The following NOS1 variants were observed in gnomAD, a reference collection of about 807,000 sequenced individuals.
NOS1 encodes nitric oxide synthase 1, also known as NOS type I.
NOS1 carries 51 observed loss-of-function variants against 164.5 expected under a neutral mutation model. The observed-to-expected ratio is 0.31, with a 90% CI of 0.25 to 0.39. NOS1 has a LOEUF of 0.39. Ranked by LOEUF, NOS1 falls within the 10% of genes least tolerant of loss-of-function variation. The pLI, the probability that NOS1 is intolerant of heterozygous loss-of-function variation, is 1.00. For synonymous variants in NOS1, 719 were observed against 745.8 expected (o/e 0.96, Z 0.59); for missense variants, 1,362 against 1,885.6 (o/e 0.72, Z 5.14).
At chr12:117,336,629 A>T (rs1407629703) in intron 1 of NOS1, among the ~76,000 whole-genome samples, 1 of 152,124 alleles carries the variant, frequency 6.6e-6, no homozygotes, top group Non-Finnish European at 1.5e-5. Flanking sequence ...TCCCCAAAAA[A>T]CCTATTGAAA....
chr12:117,299,587 C>G (rs887452564), intron 3 of NOS1, among the ~76,000 whole-genome samples: 1 of 143,270 alleles, frequency 7.0e-6, no homozygotes, highest in Non-Finnish European at 1.5e-5. Flanking sequence ...TGCAGTGAGC[C>G]GAGATCGCGC....
intron 18 of NOS1, chr12:117,246,289 T>A (rs1240880106): frequency 6.6e-6 from 1 of 152,252 alleles, no homozygotes; most frequent in African/African-American, 2.4e-5. Context: ...TTAAACCTGT[T>A]TAATTTAATT....
intron 4 of NOS1, 52 bp downstream of exon 4, chr12:117,290,246 G>A: frequency 6.2e-7 from 1 of 1,601,480 alleles, no homozygotes; most frequent in Non-Finnish European, 8.5e-7. Context: ...CTCCAAATGT[G>A]GATAGTGATG....
chr12:117,223,575 TTTA>T (rs911793259), intron 25 of NOS1, among the ~76,000 whole-genome samples: 4 of 151,544 alleles, frequency 2.6e-5, no homozygotes, highest in Admixed American at 2.6e-4. Flanking sequence ...ATTTATTTAT[TTTA>T]TTATTATTAT....
intron 2 of NOS1, among the ~76,000 whole-genome samples, chr12:117,329,950 C>T (rs905500548): frequency 9.9e-5 from 15 of 152,200 alleles, no homozygotes; most frequent in East Asian, 7.7e-4. Flanking sequence ...CGCACACACG[C>T]CTCCCACTTG....
rs367866506 is a variant in NOS1, at chr12:117,260,525, G to T, written c.2307C>A (p.Gly769=). 8.7e-6 allele frequency: 14 copies of T among 1,614,072 alleles called. No individual in the cohort carries two copies. Among genetic ancestry groups the T allele is most frequent in the Non-Finnish European group, 1.0e-5 (12 of 1,180,030 alleles). ...AGGTCTTGGCATAAGCTTGCGATTT[G>T]CCTGTCTCTGTGGCATAGAGGATGG... ...KATILYATET[G]KSQAYAKTLC... Residue 769 remains glycine (G), a synonymous_variant, in exon 14 of 29, where the codon GGC becomes GGA. Coordinates refer to ENST00000317775, the MANE Select transcript of NOS1 (RefSeq NM_000620.5).
At chr12:117,351,595 G>C (rs941908274) in intron 1 of NOS1, among the ~76,000 whole-genome samples, 11 of 152,212 alleles carry the variant, frequency 7.2e-5, no homozygotes, top group African/African-American at 2.7e-4. Context: ...ATATCAGAAG[G>C]AACCTGGATA....
In NOS1 at chr12:117,340,812, C is replaced by T. The variant is rs1966118; in HGVS notation, c.-420-9323G>A. Among the ~76,000 whole-genome samples, 243 of 151,916 alleles carry T rather than the reference C, an allele frequency of 1.6e-3. 4 individuals are homozygous for T. In the East Asian group the frequency reaches 0.04, roughly 25 times the overall value. On this transcript the variant is annotated intron_variant, in intron 1 of 28. Transcript: ENST00000317775. ...GATCTTGGCTTACTGCAACCTCTGC[C>T]TCCCAGGTTCAAGTGATCCTCCTGC...
intron 3 of NOS1, among the ~76,000 whole-genome samples, chr12:117,293,557 GTTA>G (rs1237497939): frequency 8.6e-5 from 13 of 151,962 alleles, no homozygotes; most frequent in Non-Finnish European, 8.8e-5. Flanking sequence ...TATTATAAAT[GTTA>G]TTATTATGTG....
Position 117,280,779 on chromosome 12 carries a change from G to C in NOS1, c.1470C>G (p.Tyr490Ter). The C allele has an allele frequency of 6.2e-7, 1 of 1,614,198 alleles. No homozygotes were observed. Among genetic ancestry groups the C allele is most frequent in the Non-Finnish European group, 8.5e-7 (1 of 1,180,038 alleles). Residue 490 changes from tyrosine to a stop codon, truncating the protein, a stop_gained, in exon 8 of 29, where the codon TAC becomes TAG. Transcript: ENST00000317775. LOFTEE classifies it high-confidence loss of function. ...WNSQLIRYAGYKQPDGSTLGD... is the reference protein window; with the variant it reads ...WNSQLIRYAG ...CCAGGGTGGAGCCGTCAGGCTGCTT[G>C]TAGCCAGCGTAGCGGATGAGCTGGG... is the stretch of plus-strand genomic sequence containing the variant.
chr12:117,240,234 T>C (rs1870059064), intron 20 of NOS1, among the ~76,000 whole-genome samples: 1 of 152,214 alleles, frequency 6.6e-6, no homozygotes, highest in South Asian at 2.1e-4. Flanking sequence ...CATTATGCTC[T>C]GAATTGCACT....
At chr12:117,357,597 G>C (rs1876913824) in intron 1 of NOS1, among the ~76,000 whole-genome samples, 1 of 152,194 alleles carries the variant, frequency 6.6e-6, no homozygotes, top group African/African-American at 2.4e-5. Context: ...TTCCCAATTT[G>C]TACAACGAGG....
At chr12:117,273,557 G>GT in intron 9 of NOS1, among the ~76,000 whole-genome samples, 1 of 151,980 alleles carries the variant, frequency 6.6e-6, no homozygotes, top group Non-Finnish European at 1.5e-5. Flanking sequence ...CCCCTCTTAA[G>GT]TTTACTTTTG....
chr12:117,299,465 C>T (rs1396975585), intron 3 of NOS1, among the ~76,000 whole-genome samples: 1 of 151,790 alleles, frequency 6.6e-6, no homozygotes, highest in Non-Finnish European at 1.5e-5. Context: ...GGTGAAACCC[C>T]ACCTCCACTA....
chr12:117,258,568 C>CCAGGATGT, intron 15 of NOS1, 113 bp from the exon 16 acceptor site: 1 of 1,096,212 alleles, frequency 9.1e-7, no homozygotes, highest in East Asian at 2.4e-5. Context: ...TGCCCGGAGG[C>CCAGGATGT]CAGGATGTCA....
intron 16 of NOS1, among the ~76,000 whole-genome samples, chr12:117,254,892 G>C (rs1871324906): frequency 6.6e-6 from 1 of 152,132 alleles, no homozygotes; most frequent in African/African-American, 2.4e-5. Context: ...ATGGTCCTTA[G>C]ACATTTCAGG....
intron 24 of NOS1, among the ~76,000 whole-genome samples, chr12:117,226,104 G>A (rs918473924): frequency 1.3e-5 from 2 of 152,134 alleles, no homozygotes; most frequent in African/African-American, 2.4e-5. Flanking sequence ...AATGAGATTT[G>A]GATCATTATC....
At chr12:117,308,787 G>C (rs528984941) in intron 3 of NOS1, among the ~76,000 whole-genome samples, 1 of 152,146 alleles carries the variant, frequency 6.6e-6, no homozygotes, top group Admixed American at 6.5e-5. Context: ...AGTAGAGACG[G>C]AGTTTCACCA....
chr12:117,327,377 G>C (rs141573169), intron 2 of NOS1, among the ~76,000 whole-genome samples: 10 of 152,296 alleles, frequency 6.6e-5, no homozygotes, highest in Admixed American at 5.9e-4. Context: ...AATGCCTTCC[G>C]TTCTGGATCC....
Sources: gnomAD v4.1 joint callset for allele counts (sites outside exome capture counted in the v4.1 genomes callset) on GRCh38, gnomAD v4.1.1 for gene constraint, MANE v1.5 for transcripts, NCBI Gene and HGNC (gene_info 2026-07-23, HGNC 2026-07-21) for gene names.